The following SARM1 variants were observed in gnomAD, a reference collection of about 807,000 sequenced individuals.
The protein encoded by SARM1 is NAD(+) hydrolase SARM1.
Under a neutral mutation model 65.1 loss-of-function variants are expected in SARM1, and 60 were observed. That is an observed-to-expected ratio of 0.92 (90% confidence interval 0.75 to 1.14). The LOEUF (loss-of-function observed/expected upper bound fraction) is 1.14. SARM1 is among the 50% of genes most tolerant of loss of function. SARM1 has a pLI of 0.00. For synonymous variants in SARM1, 417 were observed against 465.4 expected, an observed-to-expected ratio of 0.90 and a Z score of 1.34; for missense variants, 913 against 1,015.7, an observed-to-expected ratio of 0.90 and a Z score of 1.37.
At chr17:28,387,896 C>T in intron 5 of SARM1, 2 of 455,192 alleles carry the variant, frequency 4.4e-6, no homozygotes, top group Non-Finnish European at 7.9e-6. Flanking sequence ...TTGTGGGCAG[C>T]TGGCTGTTCA....
Position 28,372,075 on chromosome 17 carries a change from T to A in SARM1, c.43T>A (p.Phe15Ile). 6.7e-7 allele frequency: 1 copy of A among 1,500,024 alleles called. No individual in the cohort carries two copies. Among genetic ancestry groups the A allele is most frequent in the South Asian group, 1.2e-5 (1 of 81,616 alleles). The allele number at this position is 1,500,024 out of a possible 1,614,324, so 92.9% of individuals were successfully genotyped here. The change falls in exon 1 of 9, where the codon TTC becomes ATC. Residue 15 changes from phenylalanine (F) to isoleucine (I), a missense_variant. By Grantham distance (21) the Phe-to-Ile change is conservative. This residue lies in a region of SARM1 where 39 missense variants were observed against 32.0 expected (regional missense o/e 1.22). Transcript: ENST00000585482. The surrounding 1 kb of genome is among the most constrained non-coding windows in gnomAD (Gnocchi z 5.2). ...LLLSAYKLCRFFAMSGPRPGA... is the reference protein window; with the variant it reads ...LLLSAYKLCRIFAMSGPRPGA... ...TCTCTCCGCCTACAAGCTGTGTCGCTTCTTCGCCATGTCGGGCCCACGGCC... is the reference window on the plus strand; with the variant it reads ...TCTCTCCGCCTACAAGCTGTGTCGCATCTTCGCCATGTCGGGCCCACGGCC...
rs1293822147 is a variant in SARM1, at chr17:28,401,670, AC to A, written c.*5387del. The A allele has an allele frequency of 6.6e-6, 1 of 152,262 alleles. No homozygotes were observed. The highest frequency in any genetic ancestry group is 2.4e-5 in the African/African-American group (1 of 41,442). 9.4% of individuals were successfully genotyped at this position (152,262 alleles called of 1,614,324 possible). On this transcript the variant is annotated 3_prime_UTR_variant, in exon 9 of 9. Coordinates refer to ENST00000585482, the MANE Select transcript of SARM1 (RefSeq NM_015077.4). ...TCTGTGATGTCATCAAAAGCAAACC[AC>A]CCACATCACAGATGAAGAAACAGGC...
chr17:28,384,616 T>A lies in SARM1; in HGVS notation c.1302+47T>A. On this transcript the variant is annotated intron_variant, in intron 3 of 8. Coordinates refer to ENST00000585482, the MANE Select transcript of SARM1 (RefSeq NM_015077.4). The surrounding 1 kb of genome is among the most constrained non-coding windows in gnomAD (Gnocchi z 4.4). ...CTCCCCCGAGTCAGAGCGGGCGCCCTGTGCACAGGGACTGCGTTCCCTCCC... is the reference window on the plus strand; with the variant it reads ...CTCCCCCGAGTCAGAGCGGGCGCCCAGTGCACAGGGACTGCGTTCCCTCCC... 6.7e-7 allele frequency: 1 copy of A among 1,501,862 alleles called. No homozygotes were observed. Among genetic ancestry groups the A allele is most frequent in the Non-Finnish European group, 9.0e-7 (1 of 1,112,258 alleles). The allele number at this position is 1,501,862 out of a possible 1,614,324, so 93.0% of individuals were successfully genotyped here. A position where few individuals can be genotyped will look rare whatever the true frequency, so the allele number is the denominator to read the frequency against.
Position 28,384,337 on chromosome 17 carries a change from T to G in SARM1, c.1090-20T>G. The stretch of plus-strand genomic sequence containing the variant: ...GGAGAGCTGGTGGGACCTACAGCCC[T>G]CTCCCCACTCCCTCCCTAGGTGTTC... On this transcript the variant is annotated intron_variant, in intron 2 of 8. Transcript: ENST00000585482. This position sits in a 1 kb window ranked among gnomAD's most constrained non-coding sequence, Gnocchi z 4.4. 1 of 1,550,602 alleles carries G rather than the reference T, an allele frequency of 6.4e-7. No individual in the cohort carries two copies. The highest frequency in any genetic ancestry group is 8.7e-7 in the Non-Finnish European group (1 of 1,146,478).
intron 2 of SARM1, among the ~76,000 whole-genome samples, chr17:28,382,111 A>T (rs1555585385): frequency 6.6e-6 from 1 of 150,798 alleles, no homozygotes; most frequent in Admixed American, 6.6e-5. Context: ...GTGAGGACGG[A>T]GGCAAGGCAA....
chr17:28,384,261 T>C lies in SARM1; in HGVS notation c.1090-96T>C, dbSNP rs568419893. 18 of 1,026,526 alleles carry C rather than the reference T, an allele frequency of 1.8e-5. No homozygotes were observed. In the East Asian group the frequency reaches 4.7e-4, roughly 27 times the overall value. 63.6% of individuals were successfully genotyped at this position (1,026,526 alleles called of 1,614,324 possible). ...GGGGCCAGGGCAGATGGAGAGACTT[T>C]GGGTTGTGAGAAGAGACAAGGAGAG... On this transcript the variant is annotated intron_variant, in intron 2 of 8. Coordinates refer to ENST00000585482, the MANE Select transcript of SARM1 (RefSeq NM_015077.4). The surrounding 1 kb of genome is among the most constrained non-coding windows in gnomAD (Gnocchi z 4.4).
In SARM1 at chr17:28,371,831, A is replaced by C; in HGVS notation, c.-202A>C. ...CACTCCCTGCATCTGGGCCTGCATC[A>C]CCTTTGCCAACCGCTCCCCCGATCC... is the stretch of plus-strand genomic sequence containing the variant. On this transcript the variant is annotated 5_prime_UTR_variant, in exon 1 of 9. Transcript: ENST00000585482. The C allele has an allele frequency of 2.2e-6, 1 of 451,348 alleles. No homozygotes were observed. The highest frequency in any genetic ancestry group is 3.8e-5 in the South Asian group (1 of 26,046). The allele number at this position is 451,348 out of a possible 1,614,324, so 28.0% of individuals were successfully genotyped here.
Position 28,396,408 on chromosome 17 carries a change from T to A in SARM1, c.*122T>A, listed in dbSNP as rs773480947. ...CTGGGCTCTTCTTAGGAAATGGCTC[T>A]CCCTCCCCCTGTCCCCCACCCTCAT... On this transcript the variant is annotated 3_prime_UTR_variant, in exon 9 of 9. Transcript: ENST00000585482. The A allele has an allele frequency of 1.7e-6, 2 of 1,146,538 alleles. No homozygotes were observed. The highest frequency in any genetic ancestry group is 2.5e-6 in the Non-Finnish European group (2 of 795,702). 71.0% of individuals were successfully genotyped at this position (1,146,538 alleles called of 1,614,324 possible).
rs1248494190 is a variant in SARM1 at position 28,397,678 on chromosome 17, A to G, written c.*1392A>G. ...TTCAAAGAATCTAGCAGCGGGGGAT[A>G]GGATTTTGCAACAAAAAGCTGACCC... On this transcript the variant is annotated 3_prime_UTR_variant, in exon 9 of 9. Transcript: ENST00000585482. The G allele has an allele frequency of 6.6e-6, 1 of 152,224 alleles. No homozygotes were observed. Among genetic ancestry groups the G allele is most frequent in the East Asian group, 1.9e-4 (1 of 5,196 alleles). The allele number at this position is 152,224 out of a possible 1,614,324, so 9.4% of individuals were successfully genotyped here. A position where few individuals can be genotyped will look rare whatever the true frequency, so the allele number is the denominator to read the frequency against.
At chr17:28,388,722 A>G (rs1243120111) in intron 7 of SARM1, among the ~76,000 whole-genome samples, 183 bp downstream of exon 7, 3 of 151,856 alleles carry the variant, frequency 2.0e-5, no homozygotes, top group Non-Finnish European at 4.4e-5. Context: ...ACCACAAGGG[A>G]CAAGAGACTA....
chr17:28,395,685 C>T, intron 7 of SARM1: 6 of 538,024 alleles, frequency 1.1e-5, no homozygotes, highest in Non-Finnish European at 1.7e-5. Context: ...TCAAGAGATT[C>T]CAAGGGTTTT....
At chr17:28,388,605 T>G in intron 7 of SARM1, 66 bp downstream of exon 7, 2 of 1,506,176 alleles carry the variant, frequency 1.3e-6, no homozygotes. Flanking sequence ...AGGGTCGTCT[T>G]CTATTCCTTC....
chr17:28,400,629 T>A lies in SARM1; in HGVS notation c.*4343T>A. On this transcript the variant is annotated 3_prime_UTR_variant, in exon 9 of 9. Coordinates refer to ENST00000585482, the MANE Select transcript of SARM1 (RefSeq NM_015077.4). ...CATTACCCAATCAGAACAGCCGGGATGAGCAGGAGGCCAGCTCCCAGGAGG... is the reference window on the plus strand; with the variant it reads ...CATTACCCAATCAGAACAGCCGGGAAGAGCAGGAGGCCAGCTCCCAGGAGG... 6.2e-7 allele frequency: 1 copy of A among 1,613,778 alleles called. No homozygotes were observed.
At chr17:28,387,251 T>A (rs1316674487) in intron 5 of SARM1, among the ~76,000 whole-genome samples, 1 of 151,262 alleles carries the variant, frequency 6.6e-6, no homozygotes, top group East Asian at 1.9e-4. Flanking sequence ...TTTTTTTTTT[T>A]AGTCAGAGTC....
At chr17:28,389,334 G>A (rs782516267) in intron 7 of SARM1, among the ~76,000 whole-genome samples, 6 of 152,094 alleles carry the variant, frequency 3.9e-5, no homozygotes, top group Non-Finnish European at 8.8e-5. Context: ...CATAGTAACT[G>A]CTCAATAATG....
chr17:28,384,442 G>T lies in SARM1; in HGVS notation c.1175G>T (p.Arg392Leu). 6.2e-7 allele frequency: 1 copy of T among 1,613,344 alleles called. No homozygotes were observed. Among genetic ancestry groups the T allele is most frequent in the Non-Finnish European group, 8.5e-7 (1 of 1,179,568 alleles). The change falls in exon 3 of 9, where the codon CGC becomes CTC. Residue 392 changes from arginine (R) to leucine (L), a missense_variant. Arg to Leu is a moderately radical substitution (Grantham distance 102). Around this residue, in one of 3 missense-constraint regions of SARM1, gnomAD observed 862 missense variants for 952.1 expected, o/e 0.91. Coordinates refer to ENST00000585482, the MANE Select transcript of SARM1 (RefSeq NM_015077.4). The surrounding 1 kb of genome is among the most constrained non-coding windows in gnomAD (Gnocchi z 4.4). ...GGCACTAAGTCGGCGCTGGCCAAGC[G>T]CGCGCTGCGCCTGCTGGGCGAGGAG... ...TNGTKSALAK[R>L]ALRLLGEEVP...
In SARM1 at chr17:28,384,841, G is replaced by A. The variant is rs1555585730; in HGVS notation, c.1305G>A (p.Glu435=). The stretch of plus-strand genomic sequence containing the variant: ...CTGACACCCGACTCCTCCCCCAGGA[G>A]CAGCAGGTGGATGGCGACCTGCTTC... ...GFSKYCESFR[E]QQVDGDLLLR... Residue 435 remains glutamate, a splice_region_variant and synonymous_variant, in exon 4 of 9, where the codon GAG becomes GAA. Transcript: ENST00000585482. This position sits in a 1 kb window ranked among gnomAD's most constrained non-coding sequence, Gnocchi z 4.4. 1 of 1,552,916 alleles carries A rather than the reference G, an allele frequency of 6.4e-7. No homozygotes were observed. The highest frequency in any genetic ancestry group is 1.2e-5 in the South Asian group (1 of 84,114).
rs782715279 is a variant in SARM1, at chr17:28,381,717, C to T, written c.985C>T (p.Arg329Cys). The change falls in exon 2 of 9, where the codon CGC (arginine) becomes TGC (cysteine). Residue 329 changes from arginine (R) to cysteine (C), a missense_variant. By Grantham distance (180) the Arg-to-Cys change is radical. Coordinates refer to ENST00000585482, the MANE Select transcript of SARM1 (RefSeq NM_015077.4). Reference sequence around the variant, plus strand: ...GGGCCGCGGGCCCGACGACCTGCAGCGCCTCGTGCCGTTGCTCGACTCTAA... The same window carrying T: ...GGGCCGCGGGCCCGACGACCTGCAGTGCCTCGTGCCGTTGCTCGACTCTAA... ...SQGRGPDDLQRLVPLLDSNRL... is the reference protein window; with the variant it reads ...SQGRGPDDLQCLVPLLDSNRL... The T allele has an allele frequency of 3.9e-6, 6 of 1,554,324 alleles. No individual in the cohort carries two copies. In the South Asian group the frequency reaches 6.0e-5, roughly 15 times the overall value.
intron 5 of SARM1, among the ~76,000 whole-genome samples, chr17:28,386,162 A>G (rs1257188002): frequency 6.6e-6 from 1 of 152,122 alleles, no homozygotes; most frequent in Non-Finnish European, 1.5e-5. Context: ...AAAATTAGCT[A>G]GGTGTGGTGG....
Sources: gnomAD v4.1 joint callset for allele counts (sites outside exome capture counted in the v4.1 genomes callset) on GRCh38, gnomAD v4.1.1 for gene constraint, gnomAD v4.1.1 regional missense constraint, Gnocchi (gnomAD v3.1) non-coding constraint, MANE v1.5 for transcripts, NCBI Gene and HGNC (gene_info 2026-07-23, HGNC 2026-07-21) for gene names.